Variants in CEP170B observed in about 807,000 individuals in gnomAD.
CEP170B encodes centrosomal protein of 170 kDa protein B.
CEP170B carries 55 observed loss-of-function variants against 120.6 expected under a neutral mutation model. The ratio of observed to expected loss-of-function variants is 0.46; its 90% confidence interval spans 0.37 to 0.57. The LOEUF is 0.57. Ranked by LOEUF, CEP170B falls within the 20% of genes least tolerant of loss-of-function variation. CEP170B has a pLI of 0.00. For synonymous variants in CEP170B, 1,033 were observed against 954.5 expected (o/e 1.08, Z -1.52); for missense variants, 2,212 against 2,253.3 (o/e 0.98, Z 0.37).
chr14:104,889,352 G>A (rs773396544), intron 12 of CEP170B, among the ~76,000 whole-genome samples: 2 of 152,120 alleles, frequency 1.3e-5, no homozygotes, highest in Non-Finnish European at 2.9e-5. Flanking sequence ...GAGCTCAGCA[G>A]CTGTTGATGT....
At position 104,883,272 on chromosome 14, in the gene CEP170B, A is replaced by G; in HGVS notation, c.815A>G (p.Glu272Gly). 6.2e-7 allele frequency: 1 copy of G among 1,611,608 alleles called. No homozygotes were observed. Among genetic ancestry groups the G allele is most frequent in the Non-Finnish European group, 8.5e-7 (1 of 1,179,630 alleles). The change falls in exon 8 of 19, where the codon GAG becomes GGG. Residue 272 changes from glutamate to glycine, a missense_variant. Coordinates refer to ENST00000414716, the MANE Select transcript of CEP170B (RefSeq NM_001112726.3). ...CAGAGCCACGCCTCCTTCACCATCG[A>G]GTTTGATGACTGCAGCCCTGGCAAG... ...VVQSHASFTI[E>G]FDDCSPGKMK...
At chr14:104,889,208 C>CTTTCCCACCACCTGTAAGGGGG (rs1896666443) in intron 12 of CEP170B, among the ~76,000 whole-genome samples, 1 of 152,172 alleles carries the variant, frequency 6.6e-6, no homozygotes, top group Non-Finnish European at 1.5e-5. Context: ...TCAGGCACTG[C>CTTTCCCACCACCTGTAAGGGGG]TTTCCCACCA....
chr14:104,883,439 C>A lies in CEP170B; in HGVS notation c.982C>A (p.Arg328=). 6.4e-7 allele frequency: 1 copy of A among 1,564,842 alleles called. No individual in the cohort carries two copies. The highest frequency in any genetic ancestry group is 8.7e-7 in the Non-Finnish European group (1 of 1,155,832). ...LVQNDPSLLH[R]VGPGDDRHST... ...GCAGAATGACCCGAGCCTGCTGCAC[C>A]GGGTTGGCCCTGGGGATGACCGCCA... is the stretch of plus-strand genomic sequence containing the variant. Residue 328 remains arginine (R), a synonymous_variant, in exon 8 of 19, where the codon CGG becomes AGG. Transcript: ENST00000414716.
chr14:104,887,362 G>C lies in CEP170B; in HGVS notation c.3123G>C (p.Leu1041=), dbSNP rs1313844701. 8 of 1,611,896 alleles carry C rather than the reference G, an allele frequency of 5.0e-6. No homozygotes were observed. Among genetic ancestry groups the C allele is most frequent in the Non-Finnish European group, 6.8e-6 (8 of 1,179,630 alleles). The part of the protein sequence containing the change: ...IRRGHRPRGS[L]DWPSEERGPV... ...GTGGCCACAGGCCCCGAGGGTCCCT[G>C]GATTGGCCCAGTGAGGAGCGTGGCC... The change falls in exon 12 of 19, where the codon CTG becomes CTC. Residue 1041 remains leucine, a synonymous_variant. Coordinates refer to ENST00000414716, the MANE Select transcript of CEP170B (RefSeq NM_001112726.3).
At position 104,889,830 on chromosome 14, in the gene CEP170B, G is replaced by A. The variant is rs1445401041; in HGVS notation, c.3878+72G>A. ...CTTGAGTGAGAGCACCCTGAGGGCA[G>A]GGACCAGGCTGGGAGCTCCCTTCTT... is the stretch of plus-strand genomic sequence containing the variant. On this transcript the variant is annotated intron_variant, in intron 13 of 18. Transcript: ENST00000414716. The A allele has an allele frequency of 2.0e-6, 3 of 1,513,512 alleles. 1 individual carries two copies. Among genetic ancestry groups the A allele is most frequent in the South Asian group, 2.5e-5 (2 of 79,330 alleles). The allele number at this position is 1,513,512 out of a possible 1,614,324, so 93.8% of individuals were successfully genotyped here. A position where few individuals can be genotyped will look rare whatever the true frequency, so the allele number is the denominator to read the frequency against.
At chr14:104,882,907 T>C (rs892806937) in intron 7 of CEP170B, 75 bp downstream of exon 7, 11 of 1,496,874 alleles carry the variant, frequency 7.3e-6, no homozygotes, top group Non-Finnish European at 9.9e-6. Context: ...GGCCTGGGCT[T>C]GAGGAGCCCA....
Position 104,894,527 on chromosome 14 carries a change from A to C in CEP170B, c.4366-10A>C, listed in dbSNP as rs1716572401. On this transcript the variant is annotated splice_polypyrimidine_tract_variant and intron_variant, in intron 17 of 18. Coordinates refer to ENST00000414716, the MANE Select transcript of CEP170B (RefSeq NM_001112726.3). ...AGTTGACTCCACCTCCCTTCCTGCC[A>C]CGTTTCCAGGAAATCAGCTCCATCC... is the stretch of plus-strand genomic sequence containing the variant. 6.2e-7 allele frequency: 1 copy of C among 1,610,484 alleles called. No homozygotes were observed. The highest frequency in any genetic ancestry group is 1.3e-5 in the African/African-American group (1 of 74,852).
chr14:104,885,608 C>T, intron 10 of CEP170B, 66 bp downstream of exon 10: 4 of 1,497,324 alleles, frequency 2.7e-6, no homozygotes, highest in Non-Finnish European at 3.5e-6. Flanking sequence ...CAAGCCGGAC[C>T]TGGGGTCAGC....
chr14:104,894,497 T>A, intron 17 of CEP170B, 40 bp from the exon 18 acceptor site: 1 of 1,605,088 alleles, frequency 6.2e-7, no homozygotes. Context: ...CTGCAGCCCG[T>A]CAGAAGTTGA....
intron 3 of CEP170B, among the ~76,000 whole-genome samples, chr14:104,877,142 G>C (rs1256555659): frequency 5.3e-5 from 8 of 152,146 alleles, no homozygotes; most frequent in Non-Finnish European, 7.4e-5. Flanking sequence ...CGGCCAGGGG[G>C]TCTCAGGCTG....
Position 104,880,435 on chromosome 14 carries a change from G to A in CEP170B, c.472+10G>A. The A allele has an allele frequency of 6.2e-7, 1 of 1,610,720 alleles. No homozygotes were observed. The highest frequency in any genetic ancestry group is 1.7e-5 in the Admixed American group (1 of 59,804). On this transcript the variant is annotated intron_variant, in intron 6 of 18. Transcript: ENST00000414716. Reference sequence around the variant, plus strand: ...CGGAGACCAGGAACAGGTAGGCCCAGGCAGTGCGGATGGGGTGAGCACACA... The same window carrying A: ...CGGAGACCAGGAACAGGTAGGCCCAAGCAGTGCGGATGGGGTGAGCACACA...
At chr14:104,882,477 A>G (rs867108052) in intron 6 of CEP170B, among the ~76,000 whole-genome samples, 145 of 150,712 alleles carry the variant, frequency 9.6e-4, no homozygotes, top group African/African-American at 3.4e-3. Flanking sequence ...AGGAGGGGCC[A>G]GGCAGGCAGG....
At chr14:104,893,282 G>T (rs1425678030) in intron 14 of CEP170B, 147 bp downstream of exon 14, 2 of 1,115,342 alleles carry the variant, frequency 1.8e-6, no homozygotes, top group East Asian at 2.6e-5. Flanking sequence ...CTGGGTCAGC[G>T]CCCCAAACGG....
In CEP170B at chr14:104,868,446, C is replaced by A. The variant is rs1264283214; in HGVS notation, c.-5C>A. ...CAGGGCCAGACGGGCCCAGCCAGCA[C>A]CAAGATGAGTGCCACGTCCTGGTTC... On this transcript the variant is annotated 5_prime_UTR_variant, in exon 2 of 19. Transcript: ENST00000414716. The surrounding 1 kb of genome is among the most constrained non-coding windows in gnomAD (Gnocchi z 5.9). 5.2e-6 allele frequency: 8 copies of A among 1,548,410 alleles called. No individual in the cohort carries two copies. The highest frequency in any genetic ancestry group is 7.0e-6 in the Non-Finnish European group (8 of 1,146,854).
At chr14:104,890,509 AGTGG>A (rs1566873275) in intron 13 of CEP170B, among the ~76,000 whole-genome samples, 4 of 50,874 alleles carry the variant, frequency 7.9e-5, no homozygotes, top group South Asian at 7.2e-4. Context: ...TGGATGGATG[AGTGG>A]GTGGGTAGAT....
At chr14:104,872,441 G>GGA (rs1895609231) in intron 2 of CEP170B, among the ~76,000 whole-genome samples, 1 of 129,866 alleles carries the variant, frequency 7.7e-6, no homozygotes, top group African/African-American at 3.5e-5. Flanking sequence ...GTGTGCGTGT[G>GGA]TGTGCCATGT....
At chr14:104,890,988 G>GAT (rs1262003669) in intron 13 of CEP170B, among the ~76,000 whole-genome samples, 6 of 107,644 alleles carry the variant, frequency 5.6e-5, no homozygotes, top group Admixed American at 9.6e-5. Flanking sequence ...TGGATGGATG[G>GAT]GTGGGTGGGT....
At chr14:104,866,012 G>A (rs935898513) in intron 1 of CEP170B, among the ~76,000 whole-genome samples, 5 of 152,232 alleles carry the variant, frequency 3.3e-5, no homozygotes, top group African/African-American at 1.2e-4. Context: ...CCGGCTCGCT[G>A]CCCTTCCCTG....
At chr14:104,877,775 CG>C in intron 3 of CEP170B, 109 bp from the exon 4 acceptor site, 1 of 612,282 alleles carries the variant, frequency 1.6e-6, no homozygotes, top group Non-Finnish European at 3.0e-6. Flanking sequence ...GGTGCCCCCG[CG>C]GCCCTGCCCA....
Sources: allele counts gnomAD v4.1 joint callset (sites outside exome capture counted in the v4.1 genomes callset), GRCh38; gene constraint gnomAD v4.1.1; non-coding constraint Gnocchi (gnomAD v3.1); transcripts MANE v1.5; gene names NCBI Gene and HGNC (gene_info 2026-07-23, HGNC 2026-07-21).